The following TBC1D22A variants were observed in gnomAD, a reference collection of about 807,000 sequenced individuals.
TBC1D22A encodes the protein TBC1 domain family member 22A, also known as putative GTPase activator.
Under a neutral mutation model 60.2 loss-of-function variants are expected in TBC1D22A, and 38 were observed. The observed-to-expected ratio is 0.63, with a 90% CI of 0.49 to 0.83. The LOEUF (loss-of-function observed/expected upper bound fraction) is 0.83, where lower values mean the gene tolerates loss of function less well. Ranked by LOEUF, TBC1D22A falls within the 40% of genes least tolerant of loss-of-function variation. TBC1D22A has a pLI of 0.00. For synonymous variants in TBC1D22A, 302 were observed against 281.7 expected (o/e 1.07, Z -0.72); for missense variants, 628 against 701.0 (o/e 0.90, Z 1.18).
chr22:46,834,843 C>A (rs756417738), intron 4 of TBC1D22A, among the ~76,000 whole-genome samples: 1 of 152,200 alleles, frequency 6.6e-6, no homozygotes, highest in Admixed American at 6.5e-5. Flanking sequence ...CACAACTGCA[C>A]CCCTGTAGAC....
At chr22:46,987,441 C>T (rs894595623) in intron 9 of TBC1D22A, among the ~76,000 whole-genome samples, 5 of 152,172 alleles carry the variant, frequency 3.3e-5, no homozygotes, top group Non-Finnish European at 5.9e-5. Context: ...ACTCTTCTTT[C>T]TTTGCAAGAC....
chr22:47,031,407 CT>C (rs1208765819), intron 10 of TBC1D22A, among the ~76,000 whole-genome samples: 1 of 152,244 alleles, frequency 6.6e-6, no homozygotes, highest in African/African-American at 2.4e-5. Flanking sequence ...CCTGGTCAAT[CT>C]TTCCTTAAGG....
At chr22:46,885,908 A>ATTT (rs60941179) in intron 5 of TBC1D22A, among the ~76,000 whole-genome samples, 1,604 of 138,836 alleles carry the variant, frequency 0.012, 45 homozygotes, top group African/African-American at 0.041. Context: ...TACTGTTAGA[A>ATTT]TTTTTTTTTT....
intron 4 of TBC1D22A, among the ~76,000 whole-genome samples, chr22:46,820,885 C>G (rs1482112634): frequency 1.3e-5 from 2 of 152,186 alleles, no homozygotes; most frequent in Non-Finnish European, 2.9e-5. Context: ...TCTCTAAGAA[C>G]TTGCTTTATG....
In TBC1D22A at chr22:47,054,747, TC is replaced by T. The variant is rs1326722925; in HGVS notation, c.1329+17551del. ...CTGGGAGGTGGCCAGTGAGGGCTGTTCCTGGGCAGGTCGGGCTGATGATTGT... is the reference window on the plus strand; with the variant it reads ...CTGGGAGGTGGCCAGTGAGGGCTGTTCTGGGCAGGTCGGGCTGATGATTGT... On this transcript the variant is annotated intron_variant, in intron 11 of 12. Coordinates refer to ENST00000337137, the MANE Select transcript of TBC1D22A (RefSeq NM_014346.5). 1.3e-5 allele frequency among the ~76,000 whole-genome samples: 2 copies of T among 152,310 alleles called. 1 individual carries two copies. The highest frequency in any genetic ancestry group is 4.8e-5 in the African/African-American group (2 of 41,558).
chr22:46,793,329 C>T (rs879613654), intron 2 of TBC1D22A, among the ~76,000 whole-genome samples, 172 bp from the exon 3 acceptor site: 8 of 152,234 alleles, frequency 5.3e-5, no homozygotes, highest in South Asian at 2.1e-4. Context: ...TCATGGGCTT[C>T]GCCTGCTCTT....
intron 5 of TBC1D22A, among the ~76,000 whole-genome samples, chr22:46,882,146 C>T (rs2067881361): frequency 1.3e-5 from 2 of 152,090 alleles, no homozygotes; most frequent in Non-Finnish European, 2.9e-5. Context: ...GAGCTTTTCC[C>T]GATCCTGGTG....
chr22:47,127,055 G>A (rs1601597706), intron 12 of TBC1D22A, among the ~76,000 whole-genome samples: 1 of 152,126 alleles, frequency 6.6e-6, no homozygotes, highest in Non-Finnish European at 1.5e-5. Flanking sequence ...CACCCTCGGG[G>A]TCTCAGGAAA....
intron 11 of TBC1D22A, among the ~76,000 whole-genome samples, chr22:47,055,753 T>C (rs976614661): frequency 2.0e-5 from 3 of 151,906 alleles, no homozygotes; most frequent in African/African-American, 7.3e-5. Flanking sequence ...GAAAAGGCCA[T>C]TTAAAAGCCT....
chr22:46,925,908 A>G (rs1430696557), intron 8 of TBC1D22A, among the ~76,000 whole-genome samples: 1 of 152,194 alleles, frequency 6.6e-6, no homozygotes, highest in Non-Finnish European at 1.5e-5. Flanking sequence ...AATAGACCAT[A>G]TGCTAGGCCA....
intron 4 of TBC1D22A, among the ~76,000 whole-genome samples, chr22:46,809,311 C>T (rs1400968931): frequency 6.6e-6 from 1 of 152,156 alleles, no homozygotes; most frequent in African/African-American, 2.4e-5. Flanking sequence ...CAGGAGCTCT[C>T]TGGGTCTCTC....
chr22:47,164,614 C>T (rs186157435), intron 12 of TBC1D22A, among the ~76,000 whole-genome samples: 323 of 152,272 alleles, frequency 2.1e-3, no homozygotes, highest in Non-Finnish European at 3.8e-3. Context: ...ATGTCAGTGT[C>T]GAGTCAGGAA....
intron 5 of TBC1D22A, among the ~76,000 whole-genome samples, chr22:46,889,648 C>T (rs1426573868): frequency 2.0e-5 from 3 of 152,184 alleles, no homozygotes; most frequent in African/African-American, 7.2e-5. Flanking sequence ...GTTCAACGGA[C>T]ACAGCTAGAA....
chr22:47,091,374 T>G (rs1264908052), intron 11 of TBC1D22A, among the ~76,000 whole-genome samples: 171 of 91,568 alleles, frequency 1.9e-3, no homozygotes, highest in East Asian at 3.2e-3. Flanking sequence ...CGCAGAGGGG[T>G]TGTTGATAGA....
chr22:46,903,986 G>A (rs1330925907), intron 7 of TBC1D22A, among the ~76,000 whole-genome samples: 1 of 152,018 alleles, frequency 6.6e-6, no homozygotes, highest in African/African-American at 2.4e-5. Context: ...ACCCCTTTAA[G>A]TGTCACCCTG....
chr22:47,049,016 C>A (rs131915), intron 11 of TBC1D22A, among the ~76,000 whole-genome samples: 3 of 152,120 alleles, frequency 2.0e-5, no homozygotes, highest in Non-Finnish European at 2.9e-5. Flanking sequence ...GCTTGGCCTC[C>A]TGTGTCCCCA....
chr22:46,854,811 C>T (rs1217755087), intron 4 of TBC1D22A, among the ~76,000 whole-genome samples: 1 of 152,202 alleles, frequency 6.6e-6, no homozygotes, highest in African/African-American at 2.4e-5. Flanking sequence ...TATTTAATGC[C>T]TTTCTTAATC....
Position 46,944,821 on chromosome 22 carries a change from T to C in TBC1D22A, c.1016-29469T>C, listed in dbSNP as rs73480766. On this transcript the variant is annotated intron_variant, in intron 8 of 12. Transcript: ENST00000337137. Reference sequence around the variant, plus strand: ...CTTTTATTTTATCGTGATTACTCTTTTGCCTTTTTTGTTGGTTAGAGGAAA... The same window carrying C: ...CTTTTATTTTATCGTGATTACTCTTCTGCCTTTTTTGTTGGTTAGAGGAAA... 9.3e-3 allele frequency among the ~76,000 whole-genome samples: 1,421 copies of C among 152,378 alleles called. 16 individuals are homozygous for C. The highest frequency in any genetic ancestry group is 0.032 in the African/African-American group (1,350 of 41,592).
chr22:47,129,048 C>T (rs1240579062), intron 12 of TBC1D22A, among the ~76,000 whole-genome samples: 1 of 152,216 alleles, frequency 6.6e-6, no homozygotes, highest in East Asian at 1.9e-4. Context: ...TGCCGTTTAT[C>T]ATGGTGAGTG....
Sources: allele counts gnomAD v4.1 joint callset (sites outside exome capture counted in the v4.1 genomes callset), GRCh38; gene constraint gnomAD v4.1.1; transcripts MANE v1.5; gene names NCBI Gene and HGNC (gene_info 2026-07-23, HGNC 2026-07-21).